The following ARMC3 variants were observed in gnomAD, a reference collection of about 807,000 sequenced individuals.
ARMC3 encodes armadillo repeat containing 3, also known as armadillo repeat-containing protein 3.
In ARMC3, 74 loss-of-function variants were observed where a neutral mutation model predicts 90.3. That is an observed-to-expected ratio of 0.82 (90% confidence interval 0.68 to 0.99). ARMC3 has a LOEUF of 0.99. ARMC3 is among the 50% of genes least tolerant of loss of function. The probability of loss-of-function intolerance (pLI) is 0.00; values close to 1 mark genes in which losing one functional copy is unlikely to be tolerated. For synonymous variants in ARMC3, 334 were observed against 361.8 expected, an observed-to-expected ratio of 0.92 and a Z score of 0.87; for missense variants, 958 against 1,042.8, an observed-to-expected ratio of 0.92 and a Z score of 1.12.
intron 8 of ARMC3, among the ~76,000 whole-genome samples, chr10:22,979,857 G>A (rs1836107058): frequency 6.6e-6 from 1 of 152,108 alleles, no homozygotes; most frequent in African/African-American, 2.4e-5. Context: ...TACAGGACAT[G>A]GTTCATGATT....
chr10:23,000,899 A>G (rs1837252087), intron 11 of ARMC3, among the ~76,000 whole-genome samples: 1 of 152,204 alleles, frequency 6.6e-6, no homozygotes, highest in Non-Finnish European at 1.5e-5. Context: ...TTCAGACATG[A>G]GACAAGAACT....
intron 3 of ARMC3, among the ~76,000 whole-genome samples, chr10:22,948,534 A>G (rs959976219): frequency 1.3e-5 from 2 of 152,128 alleles, no homozygotes; most frequent in African/African-American, 4.8e-5. Flanking sequence ...AACAGACCCA[A>G]TATGTGAAAG....
At chr10:23,010,947 T>TCTCCTACCCTTCCTTTCCCTC (rs1424533999) in intron 16 of ARMC3, among the ~76,000 whole-genome samples, 851 of 55,288 alleles carry the variant, frequency 0.015, 23 homozygotes, top group African/African-American at 0.023. Context: ...TCCTTTCCCT[T>TCTCCTACCCTTCCTTTCCCTC]CCCTTCCCTG....
rs1340399251 is a variant in ARMC3, at chr10:23,032,963, T to C, written c.2349T>C (p.Asn783=). 1.2e-6 allele frequency: 2 copies of C among 1,613,118 alleles called. No individual in the cohort carries two copies. Among genetic ancestry groups the C allele is most frequent in the South Asian group, 1.1e-5 (1 of 91,064 alleles). The change falls in exon 18 of 19, where the codon AAT becomes AAC. Residue 783 remains asparagine (N), a synonymous_variant. Transcript: ENST00000298032. ...ISELKFQLKS[N]VIPIGHVKKG... is the part of the protein sequence containing the mutation. Reference sequence around the variant, plus strand: ...AACTGAAATTTCAACTTAAATCCAATGTTATACCGATTGGACATGTCAAAA... The same window carrying C: ...AACTGAAATTTCAACTTAAATCCAACGTTATACCGATTGGACATGTCAAAA...
intron 3 of ARMC3, among the ~76,000 whole-genome samples, chr10:22,947,888 C>T (rs1478911718): frequency 6.6e-6 from 1 of 152,098 alleles, no homozygotes; most frequent in Admixed American, 6.6e-5. Context: ...GATTTAAAAA[C>T]ATACAAGATG....
intron 16 of ARMC3, among the ~76,000 whole-genome samples, chr10:23,029,569 C>A (rs1838841295): frequency 2.0e-5 from 3 of 152,120 alleles, no homozygotes; most frequent in Admixed American, 2.0e-4. Flanking sequence ...TATTTCTATC[C>A]AATTTAACTA....
intron 4 of ARMC3, among the ~76,000 whole-genome samples, 169 bp from the exon 5 acceptor site, chr10:22,958,901 T>A (rs939990014): frequency 6.6e-6 from 1 of 152,068 alleles, no homozygotes; most frequent in Non-Finnish European, 1.5e-5. Context: ...TTTGTTATTT[T>A]TAGTAGGGTA....
chr10:22,980,842 C>T (rs1836153587), intron 8 of ARMC3, among the ~76,000 whole-genome samples: 1 of 152,150 alleles, frequency 6.6e-6, no homozygotes, highest in Non-Finnish European at 1.5e-5. Context: ...TCTTAAGACT[C>T]AGGATCATAC....
chr10:22,942,307 A>C (rs1231718551), intron 2 of ARMC3, among the ~76,000 whole-genome samples: 1 of 152,226 alleles, frequency 6.6e-6, no homozygotes, highest in Non-Finnish European at 1.5e-5. Context: ...TGGGTGCGGC[A>C]GGAAACCCAT....
intron 16 of ARMC3, among the ~76,000 whole-genome samples, chr10:23,013,573 C>T (rs1322278217): frequency 6.6e-6 from 1 of 152,188 alleles, no homozygotes; most frequent in Non-Finnish European, 1.5e-5. Context: ...TTAATTAACA[C>T]TTCTGTCACC....
At chr10:22,950,447 A>T (rs1834701108) in intron 3 of ARMC3, among the ~76,000 whole-genome samples, 1 of 152,144 alleles carries the variant, frequency 6.6e-6, no homozygotes. Flanking sequence ...GTATACTGCA[A>T]CCCTAATGCA....
chr10:22,981,732 T>G (rs781409559), intron 10 of ARMC3, 32 bp downstream of exon 10: 1 of 1,554,774 alleles, frequency 6.4e-7, no homozygotes, highest in South Asian at 1.1e-5. Flanking sequence ...CAGCACTGAC[T>G]TGTGGGACAA....
intron 8 of ARMC3, among the ~76,000 whole-genome samples, chr10:22,974,630 G>GT (rs67925451): frequency 0.36 from 53,163 of 147,932 alleles, 9,732 homozygotes; most frequent in East Asian, 0.49. Flanking sequence ...TCTAAAATCT[G>GT]TTTTTTTTTG....
At position 23,032,832 on chromosome 10, in the gene ARMC3, C is replaced by T; in HGVS notation, c.2247-29C>T. On this transcript the variant is annotated intron_variant, in intron 17 of 18. Transcript: ENST00000298032. ...ATCCTAAGCGAGTTATTAAAATTGA[C>T]CGATTTGATCTCAATGTAATTGACA... The T allele has an allele frequency of 1.9e-6, 3 of 1,588,486 alleles. No homozygotes were observed. The South Asian group carries it at 3.4e-5, about 18-fold the overall frequency.
intron 3 of ARMC3, among the ~76,000 whole-genome samples, chr10:22,953,322 A>C (rs188722905): frequency 9.2e-5 from 14 of 152,346 alleles, no homozygotes; most frequent in African/African-American, 3.1e-4. Context: ...CAGACTTCTG[A>C]CTTCCAAACC....
chr10:22,975,464 C>G (rs1239243159), intron 8 of ARMC3, among the ~76,000 whole-genome samples: 1 of 152,118 alleles, frequency 6.6e-6, no homozygotes, highest in African/African-American at 2.4e-5. Flanking sequence ...ACTCGGGAGG[C>G]TGAGGTAGGA....
At chr10:23,024,895 G>C (rs906636994) in intron 16 of ARMC3, among the ~76,000 whole-genome samples, 2 of 152,148 alleles carry the variant, frequency 1.3e-5, no homozygotes, top group African/African-American at 4.8e-5. Context: ...AAAGTAAAAG[G>C]ATGGACAAAA....
intron 2 of ARMC3, among the ~76,000 whole-genome samples, chr10:22,944,796 G>C (rs1269237366): frequency 6.6e-6 from 1 of 152,168 alleles, no homozygotes; most frequent in East Asian, 1.9e-4. Flanking sequence ...CTCATGATTA[G>C]TGTTGCAGCC....
In ARMC3 at chr10:22,989,375, T is replaced by C. The variant is rs147533366; in HGVS notation, c.1175+7675T>C. 2.6e-3 allele frequency among the ~76,000 whole-genome samples: 391 copies of C among 152,354 alleles called. 6 individuals carry two copies. The highest frequency in any genetic ancestry group is 2.5e-3 in the African/African-American group (104 of 41,592). ...CGGTAGCTGGACATCTTCTGTGCTA[T>C]ATAACCAGATAGGATAAATGTAATA... On this transcript the variant is annotated intron_variant, in intron 10 of 18. Transcript: ENST00000298032.
Sources: allele counts gnomAD v4.1 joint callset (sites outside exome capture counted in the v4.1 genomes callset), GRCh38; gene constraint gnomAD v4.1.1; transcripts MANE v1.5; gene names NCBI Gene and HGNC (gene_info 2026-07-23, HGNC 2026-07-21).